DNAH10: variants seen among roughly 807,000 people sequenced by gnomAD.
DNAH10 encodes dynein axonemal heavy chain 10.
DNAH10 carries 348 observed loss-of-function variants against 506.6 expected under a neutral mutation model. The observed-to-expected ratio is 0.69, with a 90% CI of 0.63 to 0.75. The LOEUF (loss-of-function observed/expected upper bound fraction) is 0.75. Ranked by LOEUF, DNAH10 falls within the 30% of genes least tolerant of loss-of-function variation. The pLI, the probability that DNAH10 is intolerant of heterozygous loss-of-function variation, is 0.00. For synonymous variants in DNAH10, 2,059 were observed against 2,198.6 expected (o/e 0.94, Z 1.78); for missense variants, 5,179 against 5,787.1 (o/e 0.89, Z 3.41).
At chr12:123,786,016 C>CTG in intron 9 of DNAH10, 80 bp downstream of exon 9, 9 of 1,379,832 alleles carry the variant, frequency 6.5e-6, no homozygotes, top group Non-Finnish European at 6.9e-6. Flanking sequence ...CTCTATTGAG[C>CTG]TATAATTCAC....
intron 24 of DNAH10, among the ~76,000 whole-genome samples, chr12:123,821,126 T>G (rs911520648): frequency 2.0e-5 from 3 of 152,100 alleles, no homozygotes; most frequent in Non-Finnish European, 4.4e-5. Flanking sequence ...GGCAGGTGCC[T>G]GTAATCCCAG....
chr12:123,872,381 T>C (rs1952070252), intron 45 of DNAH10, among the ~76,000 whole-genome samples: 1 of 152,064 alleles, frequency 6.6e-6, no homozygotes, highest in Non-Finnish European at 1.5e-5. Flanking sequence ...ACCTGCAGGT[T>C]TGTGGAGTCA....
At chr12:123,799,824 G>T (rs1036360492) in intron 14 of DNAH10, among the ~76,000 whole-genome samples, 1 of 152,132 alleles carries the variant, frequency 6.6e-6, no homozygotes, top group African/African-American at 2.4e-5. Flanking sequence ...GAGGAAAGAT[G>T]CAGCCTGGCA....
In DNAH10 at chr12:123,918,996, C is replaced by T. The variant is rs780693899; in HGVS notation, c.11506+47C>T. The T allele has an allele frequency of 5.0e-5, 74 of 1,491,938 alleles. 2 individuals carry two copies. In the South Asian group the frequency reaches 9.1e-4, roughly 18 times the overall value. The allele number at this position is 1,491,938 out of a possible 1,614,324, so 92.4% of individuals were successfully genotyped here. ...GGACATGTTAGTGTAGTTTGGTGTG[C>T]CAGACGTGGCTTTAAGGAAACGTGA... On this transcript the variant is annotated intron_variant, in intron 65 of 78. Coordinates refer to ENST00000673944, the MANE Select transcript of DNAH10 (RefSeq NM_001372106.1).
chr12:123,847,865 T>C (rs1188860933), intron 32 of DNAH10, 96 bp from the exon 33 acceptor site: 18 of 1,449,546 alleles, frequency 1.2e-5, no homozygotes, highest in Non-Finnish European at 1.5e-5. Context: ...ATTCTTTCTC[T>C]ATTCTGCACC....
Position 123,823,677 on chromosome 12 carries a change from G to A in DNAH10, c.4179+2919G>A, listed in dbSNP as rs571538670. 3.9e-5 allele frequency among the ~76,000 whole-genome samples: 6 copies of A among 152,222 alleles called. No individual in the cohort carries two copies. The East Asian group carries it at 9.6e-4, about 24-fold the overall frequency. On this transcript the variant is annotated intron_variant, in intron 24 of 78. Transcript: ENST00000673944. ...ATGGGATACATAGATGTTTTGACAC[G>A]GGCATGCAATGTGTAATAATCACAT...
Position 123,826,813 on chromosome 12 carries a change from A to C in DNAH10, c.4306A>C (p.Thr1436Pro). 1 of 1,614,004 alleles carries C rather than the reference A, an allele frequency of 6.2e-7. No individual in the cohort carries two copies. Among genetic ancestry groups the C allele is most frequent in the Non-Finnish European group, 8.5e-7 (1 of 1,179,888 alleles). Residue 1436 changes from threonine to proline, a missense_variant, in exon 25 of 79, where the codon ACC becomes CCC. Thr to Pro is a conservative substitution (Grantham distance 38, BLOSUM62 -1). Coordinates refer to ENST00000673944, the MANE Select transcript of DNAH10 (RefSeq NM_001372106.1). ...TCGGCCAGTCCGTGGCTTATCAGTG[A>C]CCTACTACTTGGAAGCAAAAATGAA... The part of the protein sequence containing the change: ...LPRPVRGLSV[T>P]YYLEAKMKAF...
intron 54 of DNAH10, among the ~76,000 whole-genome samples, chr12:123,895,167 C>T (rs1953163435): frequency 6.6e-6 from 1 of 152,206 alleles, no homozygotes; most frequent in African/African-American, 2.4e-5. Flanking sequence ...GGCCTCTATC[C>T]AAAGAATGCT....
At chr12:123,766,335 T>C (rs67861770) in intron 1 of DNAH10, among the ~76,000 whole-genome samples, 28,704 of 150,350 alleles carry the variant, frequency 0.19, 2,928 homozygotes, top group Middle Eastern at 0.28. Flanking sequence ...TATATCTGTC[T>C]ATCCTTGTTC....
rs373745695 is a variant in DNAH10 at position 123,851,094 on chromosome 12, C to A, written c.6291+18C>A. On this transcript the variant is annotated intron_variant, in intron 35 of 78. Coordinates refer to ENST00000673944, the MANE Select transcript of DNAH10 (RefSeq NM_001372106.1). ...AGGCCAAGGTGGGGGGCCTTGGCAGCGCCAGGTCGTGCAGTGCAGACTTCA... is the reference window on the plus strand; with the variant it reads ...AGGCCAAGGTGGGGGGCCTTGGCAGAGCCAGGTCGTGCAGTGCAGACTTCA... 1 of 1,583,214 alleles carries A rather than the reference C, an allele frequency of 6.3e-7. No individual in the cohort carries two copies. The highest frequency in any genetic ancestry group is 2.3e-5 in the East Asian group (1 of 44,392).
intron 21 of DNAH10, 23 bp downstream of exon 21, chr12:123,813,935 A>T: frequency 6.4e-7 from 1 of 1,559,340 alleles, no homozygotes; most frequent in Non-Finnish European, 8.6e-7. Flanking sequence ...GTATTTTCTT[A>T]TTCATTTAAC....
chr12:123,894,209 G>A (rs539131852), intron 53 of DNAH10, among the ~76,000 whole-genome samples: 21 of 147,348 alleles, frequency 1.4e-4, no homozygotes, highest in African/African-American at 5.3e-4. Flanking sequence ...TCTCACCTCA[G>A]CCTCCCTAGT....
At chr12:123,772,682 G>C (rs950281036) in intron 3 of DNAH10, among the ~76,000 whole-genome samples, 152 bp from the exon 4 acceptor site, 1 of 152,204 alleles carries the variant, frequency 6.6e-6, no homozygotes, top group African/African-American at 2.4e-5. Context: ...TCCTGTGTTT[G>C]GCTGGTACCC....
At chr12:123,777,618 T>C (rs898842426) in intron 5 of DNAH10, among the ~76,000 whole-genome samples, 3 of 152,338 alleles carry the variant, frequency 2.0e-5, no homozygotes, top group South Asian at 4.1e-4. Flanking sequence ...CTCAAGAACA[T>C]TGGCTACCTT....
At chr12:123,878,233 A>G (rs1365591640) in intron 48 of DNAH10, among the ~76,000 whole-genome samples, 1 of 152,186 alleles carries the variant, frequency 6.6e-6, no homozygotes, top group African/African-American at 2.4e-5. Flanking sequence ...CACATAACTC[A>G]GTCGTTGCCG....
rs567933310 is a variant in DNAH10 at position 123,898,990 on chromosome 12, C to G, written c.9640+176C>G. 2.6e-5 allele frequency among the ~76,000 whole-genome samples: 4 copies of G among 152,284 alleles called. No individual in the cohort carries two copies. In the South Asian group the frequency reaches 8.3e-4, roughly 32 times the overall value. Reference sequence around the variant, plus strand: ...TCTTTGACCCTGCAATTCCTGTTTTCTTTCTGAATTCGTGTCCAGCCAGTC... The same window carrying G: ...TCTTTGACCCTGCAATTCCTGTTTTGTTTCTGAATTCGTGTCCAGCCAGTC... On this transcript the variant is annotated intron_variant, in intron 56 of 78. Transcript: ENST00000673944.
chr12:123,887,338 G>A (rs760559876), intron 52 of DNAH10, 25 bp downstream of exon 52: 1 of 1,607,174 alleles, frequency 6.2e-7, no homozygotes. Context: ...GGCGCCCGCT[G>A]TGGCCAACAC....
At chr12:123,851,223 G>A (rs1951153770) in intron 35 of DNAH10, 147 bp downstream of exon 35, 1 of 837,054 alleles carries the variant, frequency 1.2e-6, no homozygotes, top group Non-Finnish European at 1.7e-6. Context: ...TTCCAGATGG[G>A]ACCTAGGATG....
intron 51 of DNAH10, among the ~76,000 whole-genome samples, chr12:123,883,587 A>G (rs1460255868): frequency 1.3e-5 from 2 of 152,118 alleles, no homozygotes; most frequent in African/African-American, 4.8e-5. Flanking sequence ...TGCATGATAC[A>G]CATGCATGCT....
Sources: allele counts gnomAD v4.1 joint callset (sites outside exome capture counted in the v4.1 genomes callset), GRCh38; gene constraint gnomAD v4.1.1; transcripts MANE v1.5; gene names NCBI Gene and HGNC (gene_info 2026-07-23, HGNC 2026-07-21).